Variants in EPHA6 observed in about 807,000 individuals in gnomAD.
The protein encoded by EPHA6 is EPH receptor A6, also known as ephrin type-A receptor 6.
Under a neutral mutation model 112.0 loss-of-function variants are expected in EPHA6, and 50 were observed. The ratio of observed to expected loss-of-function variants is 0.45; its 90% confidence interval spans 0.36 to 0.56. The LOEUF (loss-of-function observed/expected upper bound fraction) is 0.56. EPHA6 is among the 20% of genes least tolerant of loss of function. The pLI is 0.00. For missense variants in EPHA6, 1,280 were observed against 1,417.4 expected, an observed-to-expected ratio of 0.90 and a Z score of 1.56; for synonymous variants, 529 against 490.7, an observed-to-expected ratio of 1.08 and a Z score of -1.03.
At chr3:97,394,946 A>G (rs1247981917) in intron 5 of EPHA6, among the ~76,000 whole-genome samples, 1 of 151,724 alleles carries the variant, frequency 6.6e-6, no homozygotes, top group Non-Finnish European at 1.5e-5. Context: ...TGGGCACACC[A>G]GATAATCCAG....
At chr3:97,414,226 G>T (rs1028897201) in intron 6 of EPHA6, among the ~76,000 whole-genome samples, 2 of 152,006 alleles carry the variant, frequency 1.3e-5, no homozygotes, top group Non-Finnish European at 2.9e-5. Context: ...TTTTTATATA[G>T]ATTTGTATTA....
intron 1 of EPHA6, among the ~76,000 whole-genome samples, chr3:96,824,077 A>C (rs1191473697): frequency 6.6e-6 from 1 of 151,852 alleles, no homozygotes; most frequent in Admixed American, 6.6e-5. Flanking sequence ...TAGTTCACCT[A>C]GGTTATTAAA....
intron 14 of EPHA6, among the ~76,000 whole-genome samples, chr3:97,714,227 T>C (rs1157384333): frequency 6.6e-6 from 1 of 152,330 alleles, no homozygotes; most frequent in East Asian, 1.9e-4. Context: ...AGGAAACAGA[T>C]AACATTTACT....
chr3:97,095,766 T>TAA lies in EPHA6; in HGVS notation c.1114+107783_1114+107784dup, dbSNP rs59473424. 3.2e-3 allele frequency among the ~76,000 whole-genome samples: 457 copies of TAA among 143,470 alleles called. 2 individuals carry two copies. The highest frequency in any genetic ancestry group is 0.011 in the African/African-American group (424 of 39,674). The allele number at this position is 143,470 out of a possible 152,430, so 94.1% of individuals were successfully genotyped here. A position where few individuals can be genotyped will look rare whatever the true frequency, so the allele number is the denominator to read the frequency against. On this transcript the variant is annotated intron_variant, in intron 3 of 17. Coordinates refer to ENST00000389672, the MANE Select transcript of EPHA6 (RefSeq NM_001080448.3). The stretch of plus-strand genomic sequence containing the variant: ...ATCACTTGAAGGACTTGTTAAAAAA[T>TAA]AAAAAAAAAAACAAGCAAACAAAAA...
chr3:96,972,424 AAC>A (rs3070424), intron 2 of EPHA6, among the ~76,000 whole-genome samples: 82,229 of 144,534 alleles, frequency 0.57, 24,235 homozygotes, highest in South Asian at 0.66. Context: ...CACACACACA[AAC>A]ACACACACAC....
chr3:97,724,669 G>C (rs1161705963), intron 15 of EPHA6, among the ~76,000 whole-genome samples: 4 of 151,192 alleles, frequency 2.6e-5, no homozygotes, highest in African/African-American at 9.7e-5. Flanking sequence ...CAGAAGGCTT[G>C]AGCCCAAGAG....
intron 3 of EPHA6, among the ~76,000 whole-genome samples, chr3:97,058,513 G>T (rs2108112213): frequency 6.6e-6 from 1 of 152,210 alleles, no homozygotes; most frequent in Middle Eastern, 3.4e-3. Flanking sequence ...TGTTGGCCAG[G>T]CTGGTCTTCA....
chr3:96,959,398 T>C (rs1407571314), intron 2 of EPHA6, among the ~76,000 whole-genome samples: 1 of 152,194 alleles, frequency 6.6e-6, no homozygotes, highest in Admixed American at 6.5e-5. Flanking sequence ...TTATATATTC[T>C]GGATACAAGT....
chr3:97,551,909 A>G (rs1270792619), intron 11 of EPHA6, among the ~76,000 whole-genome samples: 1 of 152,184 alleles, frequency 6.6e-6, no homozygotes, highest in African/African-American at 2.4e-5. Context: ...GAGAATAAGA[A>G]TCAAGAGAGA....
intron 1 of EPHA6, among the ~76,000 whole-genome samples, chr3:96,832,897 A>G (rs912627918): frequency 6.6e-6 from 1 of 151,882 alleles, no homozygotes; most frequent in African/African-American, 2.4e-5. Flanking sequence ...TCTTTGTTGG[A>G]TACTATACCA....
chr3:97,373,010 A>G (rs1156951206), intron 5 of EPHA6, among the ~76,000 whole-genome samples: 2 of 152,158 alleles, frequency 1.3e-5, no homozygotes, highest in African/African-American at 4.8e-5. Flanking sequence ...ATGGATGTCC[A>G]TTACATTATT....
chr3:97,187,009 C>A (rs1244296726), intron 3 of EPHA6, among the ~76,000 whole-genome samples: 1 of 152,102 alleles, frequency 6.6e-6, no homozygotes, highest in Non-Finnish European at 1.5e-5. Context: ...TATAGCAACA[C>A]CATACTTTTA....
At chr3:97,541,737 T>TG (rs878969721) in intron 11 of EPHA6, among the ~76,000 whole-genome samples, 267 of 147,148 alleles carry the variant, frequency 1.8e-3, no homozygotes, top group Middle Eastern at 3.4e-3. Flanking sequence ...GTTTTTTTTT[T>TG]TTTGTTTGTT....
At chr3:96,983,239 G>A (rs536581190) in intron 2 of EPHA6, among the ~76,000 whole-genome samples, 1 of 152,258 alleles carries the variant, frequency 6.6e-6, no homozygotes, top group South Asian at 2.1e-4. Flanking sequence ...CTCTTGTAGG[G>A]CAGGCCTGCT....
At chr3:97,601,137 G>A (rs2107406888) in intron 12 of EPHA6, among the ~76,000 whole-genome samples, 1 of 152,156 alleles carries the variant, frequency 6.6e-6, no homozygotes, top group South Asian at 2.1e-4. Context: ...ATATCTTCAT[G>A]TTTTATTATT....
chr3:97,249,901 A>G (rs1399887225), intron 5 of EPHA6, among the ~76,000 whole-genome samples: 2 of 152,192 alleles, frequency 1.3e-5, no homozygotes, highest in Admixed American at 6.5e-5. Flanking sequence ...AAAGAGAAAA[A>G]CAATTAACAC....
intron 2 of EPHA6, among the ~76,000 whole-genome samples, chr3:96,904,924 C>T (rs8180051): frequency 1.2e-4 from 18 of 152,090 alleles, no homozygotes; most frequent in Non-Finnish European, 2.5e-4. Flanking sequence ...GGTAAAGGAC[C>T]TTGAAGCTAG....
chr3:97,641,482 G>A (rs566014004), intron 14 of EPHA6, among the ~76,000 whole-genome samples: 360 of 152,294 alleles, frequency 2.4e-3, no homozygotes, highest in Middle Eastern at 0.01. Context: ...AGCTCCCAGC[G>A]TGAGCGACGC....
At chr3:97,021,175 TTA>T (rs1437279162) in intron 3 of EPHA6, among the ~76,000 whole-genome samples, 1 of 152,208 alleles carries the variant, frequency 6.6e-6, no homozygotes, top group Non-Finnish European at 1.5e-5. Context: ...ATTTCATAGG[TTA>T]AACTTGGACT....
Sources: gnomAD v4.1 joint callset for allele counts (sites outside exome capture counted in the v4.1 genomes callset) on GRCh38, gnomAD v4.1.1 for gene constraint, MANE v1.5 for transcripts, NCBI Gene and HGNC (gene_info 2026-07-23, HGNC 2026-07-21) for gene names.